SETBP1: variants seen among roughly 807,000 people sequenced by gnomAD.
The protein encoded by SETBP1 is SET-binding protein.
In SETBP1, 9 loss-of-function variants were observed where a neutral mutation model predicts 101.0. That is an observed-to-expected ratio of 0.09 (90% CI 0.05 to 0.16). The LOEUF is 0.16. Among genes scored for constraint, SETBP1 ranks in the 10% least tolerant of loss-of-function variants. The pLI, the probability that SETBP1 is intolerant of heterozygous loss-of-function variation, is 1.00. For missense variants in SETBP1, 1,858 were observed against 2,033.8 expected (o/e 0.91, Z 1.66); for synonymous variants, 818 against 788.5 (o/e 1.04, Z -0.63).
rs57937684 is a variant in SETBP1 at position 45,064,808 on chromosome 18, C to CAAAAAAAAAAAAAAAAAAGAAAAAAA, written c.*1127_*1128insAGAAAAAAAAAAAAAAAAAAAAAAAA. The CAAAAAAAAAAAAAAAAAAGAAAAAAA allele has an allele frequency of 1.3e-5, 1 of 77,670 alleles. No homozygotes were observed. The highest frequency in any genetic ancestry group is 4.3e-5 in the African/African-American group (1 of 23,178). 4.8% of individuals were successfully genotyped at this position (77,670 alleles called of 1,614,324 possible). A position where few individuals can be genotyped will look rare whatever the true frequency, so the allele number is the denominator to read the frequency against. On this transcript the variant is annotated 3_prime_UTR_variant, in exon 6 of 6. Coordinates refer to ENST00000649279, the MANE Select transcript of SETBP1 (RefSeq NM_015559.3). ...ATTCAAATAATTGTCATAGGTTGTTCAAAAAAAAAAAAAAAAAGGAAACAA... is the reference window on the plus strand; with the variant it reads ...ATTCAAATAATTGTCATAGGTTGTTCAAAAAAAAAAAAAAAAAAGAAAAAAAAAAAAAAAAAAAAAAAAGGAAACAA...
chr18:45,036,365 A>T (rs1467287760), intron 4 of SETBP1, among the ~76,000 whole-genome samples: 1 of 151,576 alleles, frequency 6.6e-6, no homozygotes, highest in Non-Finnish European at 1.5e-5. Context: ...AGAAGTAAAA[A>T]CACTCCCTCT....
chr18:44,875,683 A>G (rs184301469), intron 3 of SETBP1, among the ~76,000 whole-genome samples: 2 of 152,282 alleles, frequency 1.3e-5, no homozygotes, highest in Admixed American at 1.3e-4. Context: ...GTATATATAG[A>G]TGCCGGAAGA....
At chr18:44,718,522 T>G (rs114216832) in intron 2 of SETBP1, among the ~76,000 whole-genome samples, 95 of 152,316 alleles carry the variant, frequency 6.2e-4, no homozygotes, top group African/African-American at 2.2e-3. Context: ...AGGATGGCCC[T>G]GCTGATGCTG....
rs112664552 is a variant in SETBP1 at position 44,716,405 on chromosome 18, C to A, written c.486+14573C>A. 3.8e-3 allele frequency among the ~76,000 whole-genome samples: 575 copies of A among 152,282 alleles called. 2 individuals are homozygous for A. Among genetic ancestry groups the A allele is most frequent in the African/African-American group, 0.013 (537 of 41,542 alleles). On this transcript the variant is annotated intron_variant, in intron 2 of 5. Coordinates refer to ENST00000649279, the MANE Select transcript of SETBP1 (RefSeq NM_015559.3). ...AGTTTTTCTTTCTGTGTCCAACCTG[C>A]CCCATAAGTCACACCCGGATCCTAC...
chr18:45,053,555 A>C (rs2073757728), intron 5 of SETBP1, among the ~76,000 whole-genome samples: 1 of 152,206 alleles, frequency 6.6e-6, no homozygotes, highest in African/African-American at 2.4e-5. Context: ...TATGTTTTCC[A>C]TCAGATTGCC....
Position 44,952,359 on chromosome 18 carries a change from C to A in SETBP1, c.3019C>A (p.Leu1007Ile), listed in dbSNP as rs1404581497. 1.9e-6 allele frequency: 3 copies of A among 1,614,104 alleles called. No homozygotes were observed. Among genetic ancestry groups the A allele is most frequent in the Non-Finnish European group, 8.5e-7 (1 of 1,180,036 alleles). Residue 1007 changes from leucine to isoleucine, a missense_variant, in exon 4 of 6, where the codon CTT becomes ATT. Leu to Ile is a conservative substitution (Grantham distance 5). Around this residue, in one of 12 missense-constraint regions of SETBP1, gnomAD observed 255 missense variants for 300.1 expected, o/e 0.85. Transcript: ENST00000649279. ...TATCCAGTATGACCCGTTGCTCTAT[C>A]TTCGTAGGACTTCAGACTTGAAGTC... ...PYIQYDPLLY[L>I]RRTSDLKSKK...
chr18:44,689,352 AC>A (rs2068890889), intron 1 of SETBP1, among the ~76,000 whole-genome samples: 1 of 152,216 alleles, frequency 6.6e-6, no homozygotes, highest in African/African-American at 2.4e-5. Flanking sequence ...CCCATAGCAG[AC>A]ACCTTTGTGG....
At chr18:44,719,512 T>C (rs2069538670) in intron 2 of SETBP1, among the ~76,000 whole-genome samples, 1 of 152,114 alleles carries the variant, frequency 6.6e-6, no homozygotes, top group Non-Finnish European at 1.5e-5. Context: ...TTCTGGGACC[T>C]TTTCAAAAAT....
intron 3 of SETBP1, chr18:44,870,866 G>A (rs1290983382): frequency 1.3e-5 from 2 of 152,098 alleles, no homozygotes; most frequent in East Asian, 1.9e-4. Context: ...TTCTCTCCGT[G>A]TTTGTTGACC....
In SETBP1 at chr18:44,832,319, C is replaced by A. The variant is rs138688069; in HGVS notation, c.487-36911C>A. Among the ~76,000 whole-genome samples the A allele has an allele frequency of 7.0e-3, 1,063 of 152,272 alleles. 5 individuals carry two copies. Among genetic ancestry groups the A allele is most frequent in the Middle Eastern group, 0.038 (11 of 292 alleles). On this transcript the variant is annotated intron_variant, in intron 2 of 5. Transcript: ENST00000649279. ...GGGAGATTTTGTAGCATGCAGCATC[C>A]CAGGCCAGGCCCGGGGCTACCCCTA...
At chr18:44,702,840 T>C (rs1021970041) in intron 2 of SETBP1, among the ~76,000 whole-genome samples, 2 of 152,200 alleles carry the variant, frequency 1.3e-5, no homozygotes, top group South Asian at 4.1e-4. Flanking sequence ...AGGGGGCAAG[T>C]GATTGGCCTG....
chr18:44,891,974 C>T (rs761428832), intron 3 of SETBP1, among the ~76,000 whole-genome samples: 13 of 152,154 alleles, frequency 8.5e-5, no homozygotes, highest in South Asian at 8.3e-4. Flanking sequence ...AACCCACCTA[C>T]GAGATGAGAA....
At chr18:45,003,136 T>C (rs987761643) in intron 4 of SETBP1, among the ~76,000 whole-genome samples, 1 of 152,262 alleles carries the variant, frequency 6.6e-6, no homozygotes, top group Non-Finnish European at 1.5e-5. Flanking sequence ...GAGATTTTGG[T>C]ATATTTTCTT....
chr18:44,862,848 C>T (rs2069045448), intron 2 of SETBP1, among the ~76,000 whole-genome samples: 1 of 152,094 alleles, frequency 6.6e-6, no homozygotes, highest in Non-Finnish European at 1.5e-5. Flanking sequence ...GAGAGGGATG[C>T]TTTAGGGTGC....
intron 5 of SETBP1, among the ~76,000 whole-genome samples, chr18:45,062,761 C>G (rs1333127752): frequency 1.3e-5 from 2 of 152,174 alleles, no homozygotes; most frequent in East Asian, 1.9e-4. Context: ...TCCCACGGCT[C>G]TAGGCCAGTT....
intron 2 of SETBP1, among the ~76,000 whole-genome samples, chr18:44,822,452 G>T (rs909228490): frequency 2.0e-5 from 3 of 152,146 alleles, no homozygotes; most frequent in Non-Finnish European, 4.4e-5. Context: ...CCACTGACTG[G>T]CAAATAAGAT....
intron 1 of SETBP1, among the ~76,000 whole-genome samples, chr18:44,699,338 G>T (rs2069074388): frequency 6.6e-6 from 1 of 152,206 alleles, no homozygotes; most frequent in Non-Finnish European, 1.5e-5. Flanking sequence ...GACAAATGGG[G>T]AAATTTCCTA....
At chr18:45,042,080 G>A (rs529679939) in intron 5 of SETBP1, among the ~76,000 whole-genome samples, 2 of 151,314 alleles carry the variant, frequency 1.3e-5, no homozygotes, top group Admixed American at 6.6e-5. Flanking sequence ...GGCAGTAGCT[G>A]TATGCTTTTA....
At position 44,951,587 on chromosome 18, in the gene SETBP1, C is replaced by T. The variant is rs1416827071; in HGVS notation, c.2247C>T (p.Pro749=). Reference sequence around the variant, plus strand: ...AACCCAAAACAGCCATCAAGCACCCCAGGCCTGTTTCTAGCCAGCCGGATG... The same window carrying T: ...AACCCAAAACAGCCATCAAGCACCCTAGGCCTGTTTCTAGCCAGCCGGATG... ...SEEPKTAIKH[P]RPVSSQPDVP... Residue 749 remains proline (P), a synonymous_variant, in exon 4 of 6, where the codon CCC becomes CCT. Coordinates refer to ENST00000649279, the MANE Select transcript of SETBP1 (RefSeq NM_015559.3). The surrounding 1 kb of genome is among the most constrained non-coding windows in gnomAD (Gnocchi z 7.8). 5 of 1,614,086 alleles carry T rather than the reference C, an allele frequency of 3.1e-6. No homozygotes were observed. The highest frequency in any genetic ancestry group is 2.7e-5 in the African/African-American group (2 of 74,940).
Sources: gnomAD v4.1 joint callset for allele counts (sites outside exome capture counted in the v4.1 genomes callset) on GRCh38, gnomAD v4.1.1 for gene constraint, gnomAD v4.1.1 regional missense constraint, Gnocchi (gnomAD v3.1) non-coding constraint, MANE v1.5 for transcripts, NCBI Gene and HGNC (gene_info 2026-07-23, HGNC 2026-07-21) for gene names.